CAVIN3: variants seen among roughly 807,000 people sequenced by gnomAD.
CAVIN3 encodes caveolae-associated protein 3.
A neutral mutation model predicts 8.2 loss-of-function variants in CAVIN3; 11 were observed. That is an observed-to-expected ratio of 1.35 (90% CI 0.85 to 2.23). The LOEUF (loss-of-function observed/expected upper bound fraction) is 2.23, where lower values mean the gene tolerates loss of function less well. Among genes scored for constraint, CAVIN3 ranks in the 30% most tolerant of loss-of-function variants. CAVIN3 has a pLI of 0.00. For missense variants in CAVIN3, 401 were observed against 359.5 expected, an observed-to-expected ratio of 1.12 and a Z score of -0.93; for synonymous variants, 191 against 166.3, an observed-to-expected ratio of 1.15 and a Z score of -1.14.
At position 6,320,497 on chromosome 11, in the gene CAVIN3, C is replaced by CA. The variant is rs761749028; in HGVS notation, c.-22_-21insT. On this transcript the variant is annotated 5_prime_UTR_variant, in exon 1 of 2. Transcript: ENST00000303927. The stretch of plus-strand genomic sequence containing the variant: ...CTCATGATCCCTGACCGCTCTGCTC[C>CA]GTCTGCCTGCAACTGCTGGCCGCAC... 7 of 1,475,298 alleles carry CA rather than the reference C, an allele frequency of 4.7e-6. No homozygotes were observed. Among genetic ancestry groups the CA allele is most frequent in the Non-Finnish European group, 6.2e-6 (7 of 1,121,416 alleles). 91.4% of individuals were successfully genotyped at this position (1,475,298 alleles called of 1,614,324 possible).
rs961288525 is a variant in CAVIN3, at chr11:6,319,298, G to A, written c.651C>T (p.Ser217=). Residue 217 remains serine, a synonymous_variant, in exon 2 of 2, where the codon AGC becomes AGT. Coordinates refer to ENST00000303927, the MANE Select transcript of CAVIN3 (RefSeq NM_145040.3). ...VKPPRLGPGR[S]AEAQPEAQPA... The stretch of plus-strand genomic sequence containing the variant: ...GCTGGGCTTCCGGCTGGGCTTCAGC[G>A]CTCCGGCCAGGCCCAAGGCGAGGCG... 1.6e-5 allele frequency: 25 copies of A among 1,608,798 alleles called. No individual in the cohort carries two copies. The highest frequency in any genetic ancestry group is 2.0e-5 in the Non-Finnish European group (24 of 1,177,624).
Position 6,319,411 on chromosome 11 carries a change from G to C in CAVIN3, c.538C>G (p.Arg180Gly). 7.4e-6 allele frequency: 12 copies of C among 1,610,878 alleles called. No individual in the cohort carries two copies. The highest frequency in any genetic ancestry group is 1.0e-5 in the Non-Finnish European group (12 of 1,179,358). ...PVESRAQRLR[R>G]TGLQKVQSLR... ...CTCTGTACCTTCTGCAATCCGGTGC[G>C]CCGCAGCCGCTGGGCCCTGGACTCC... Residue 180 changes from arginine to glycine, a missense_variant, in exon 2 of 2, where the codon CGC becomes GGC. Coordinates refer to ENST00000303927, the MANE Select transcript of CAVIN3 (RefSeq NM_145040.3).
At position 6,319,348 on chromosome 11, in the gene CAVIN3, C is replaced by T. The variant is rs371263806; in HGVS notation, c.601G>A (p.Ala201Thr). The T allele has an allele frequency of 1.3e-6, 2 of 1,597,056 alleles. No individual in the cohort carries two copies. The highest frequency in any genetic ancestry group is 1.7e-6 in the Non-Finnish European group (2 of 1,173,360). ...GGCTTGACCGGGGTGGGCGGTGGCG[C>T]TGCAGGGCCTTTCCGGCCCGAAAGG... ...RALSGRKGPA[A>T]PPPTPVKPPR... Residue 201 changes from alanine to threonine, a missense_variant, in exon 2 of 2, where the codon GCG becomes ACG. By Grantham distance (58) the Ala-to-Thr change is moderately conservative. Transcript: ENST00000303927.
Position 6,320,360 on chromosome 11 carries a change from CAG to C in CAVIN3, c.115_116del (p.Leu39AlafsTer93), listed in dbSNP as rs1489269614. 11 of 1,584,216 alleles carry C rather than the reference CAG, an allele frequency of 6.9e-6. No individual in the cohort carries two copies. Among genetic ancestry groups the C allele is most frequent in the Non-Finnish European group, 9.4e-6 (11 of 1,173,002 alleles). The part of the protein sequence containing the change: ...LEKLASMLET[L>X]RERQGGLARR... The stretch of plus-strand genomic sequence containing the variant: ...GAGCCAGGCCTCCCTGCCGCTCCCG[CAG>C]AGTCTCCAGCATGGAGGCCAGCTTC... On this transcript the variant is annotated frameshift_variant, in exon 1 of 2. Coordinates refer to ENST00000303927, the MANE Select transcript of CAVIN3 (RefSeq NM_145040.3). LOFTEE classifies it high-confidence loss of function.
Position 6,320,281 on chromosome 11 carries a change from C to A in CAVIN3, c.196G>T (p.Ala66Ser). The A allele has an allele frequency of 4.5e-6, 7 of 1,565,344 alleles. No homozygotes were observed. The highest frequency in any genetic ancestry group is 6.0e-6 in the Non-Finnish European group (7 of 1,162,946). ...GTGGTGTCGTGGCTGCGACTCAGAG[C>A]GCCCAGGCCGCTCTGGATGCGGCGC... is the stretch of plus-strand genomic sequence containing the variant. ...SVRRIQSGLG[A>S]LSRSHDTTSN... Residue 66 changes from alanine to serine, a missense_variant, in exon 1 of 2, where the codon GCT becomes TCT. Transcript: ENST00000303927.
Position 6,319,395 on chromosome 11 carries a change from T to C in CAVIN3, c.554A>G (p.Lys185Arg). ...AQRLRRTGLQ[K>R]VQSLRRALSG... Reference sequence around the variant, plus strand: ...AAGGGCCCTTCGGAGGCTCTGTACCTTCTGCAATCCGGTGCGCCGCAGCCG... The same window carrying C: ...AAGGGCCCTTCGGAGGCTCTGTACCCTCTGCAATCCGGTGCGCCGCAGCCG... The change falls in exon 2 of 2, where the codon AAG becomes AGG. Residue 185 changes from lysine to arginine, a missense_variant. Transcript: ENST00000303927. 1 of 1,610,650 alleles carries C rather than the reference T, an allele frequency of 6.2e-7. No homozygotes were observed. Among genetic ancestry groups the C allele is most frequent in the Non-Finnish European group, 8.5e-7 (1 of 1,178,984 alleles).
In CAVIN3 at chr11:6,320,289, C is replaced by G; in HGVS notation, c.188G>C (p.Gly63Ala). 1 of 1,566,090 alleles carries G rather than the reference C, an allele frequency of 6.4e-7. No homozygotes were observed. Among genetic ancestry groups the G allele is most frequent in the Admixed American group, 1.8e-5 (1 of 55,280 alleles). ...GTGGCTGCGACTCAGAGCGCCCAGG[C>G]CGCTCTGGATGCGGCGCACGGACCC... ...LAGSVRRIQSGLGALSRSHDT... is the reference protein window; with the variant it reads ...LAGSVRRIQSALGALSRSHDT... The change falls in exon 1 of 2, where the codon GGC becomes GCC. Residue 63 changes from glycine (G) to alanine (A), a missense_variant. Transcript: ENST00000303927.
At position 6,319,218 on chromosome 11, in the gene CAVIN3, G is replaced by A. The variant is rs144277485; in HGVS notation, c.731C>T (p.Pro244Leu). Reference sequence around the variant, plus strand: ...TTCTTCGGCAGCCCCAGGTCTCCCGGGATCTTCCTCGGTGTCCTGCGGAGG... The same window carrying A: ...TTCTTCGGCAGCCCCAGGTCTCCCGAGATCTTCCTCGGTGTCCTGCGGAGG... Reference protein sequence around the residue: ...PEPPQDTEEDPGRPGAAEEAL... With the variant: ...PEPPQDTEEDLGRPGAAEEAL... The change falls in exon 2 of 2, where the codon CCC becomes CTC. Residue 244 changes from proline to leucine, a missense_variant. Pro to Leu is a moderately conservative substitution (Grantham distance 98, BLOSUM62 -3). Coordinates refer to ENST00000303927, the MANE Select transcript of CAVIN3 (RefSeq NM_145040.3). The A allele has an allele frequency of 1.9e-6, 3 of 1,565,778 alleles. No individual in the cohort carries two copies. The highest frequency in any genetic ancestry group is 1.7e-6 in the Non-Finnish European group (2 of 1,160,498).
At position 6,319,238 on chromosome 11, in the gene CAVIN3, C is replaced by A. The variant is rs1846768271; in HGVS notation, c.711G>T (p.Pro237=). ...TCCCGGGATCTTCCTCGGTGTCCTG[C>A]GGAGGCTCTGGCTCCAGCGTGGGCT... ...ALEPTLEPEP[P]QDTEEDPGRP... is the part of the protein sequence containing the mutation. The change falls in exon 2 of 2, where the codon CCG becomes CCT. Residue 237 remains proline (P), a synonymous_variant. Coordinates refer to ENST00000303927, the MANE Select transcript of CAVIN3 (RefSeq NM_145040.3). 1 of 1,592,970 alleles carries A rather than the reference C, an allele frequency of 6.3e-7. No individual in the cohort carries two copies. Among genetic ancestry groups the A allele is most frequent in the Non-Finnish European group, 8.5e-7 (1 of 1,171,408 alleles).
Position 6,319,131 on chromosome 11 carries a change from A to G in CAVIN3, c.*32T>C, listed in dbSNP as rs777134186. The G allele has an allele frequency of 2.7e-5, 40 of 1,506,600 alleles. 1 individual carries two copies. In the Middle Eastern group the frequency reaches 2.0e-3, roughly 74 times the overall value. 93.3% of individuals were successfully genotyped at this position (1,506,600 alleles called of 1,614,324 possible). ...GAAAGGATTTATTTTGGGACAAGGCACAAGCACAGGGGAGGCAGGCAACAC... is the reference window on the plus strand; with the variant it reads ...GAAAGGATTTATTTTGGGACAAGGCGCAAGCACAGGGGAGGCAGGCAACAC... On this transcript the variant is annotated 3_prime_UTR_variant, in exon 2 of 2. Coordinates refer to ENST00000303927, the MANE Select transcript of CAVIN3 (RefSeq NM_145040.3).
At position 6,320,177 on chromosome 11, in the gene CAVIN3, C is replaced by G. The variant is rs1475506826; in HGVS notation, c.300G>C (p.Val100=). ...SHANAAQERA[V]RRAAQVQRLE... Reference sequence around the variant, plus strand: ...GCCGCTGCACCTGGGCTGCGCGGCGCACCGCGCGCTCTTGGGCGGCGTTGG... The same window carrying G: ...GCCGCTGCACCTGGGCTGCGCGGCGGACCGCGCGCTCTTGGGCGGCGTTGG... The change falls in exon 1 of 2, where the codon GTG becomes GTC. Residue 100 remains valine, a synonymous_variant. Coordinates refer to ENST00000303927, the MANE Select transcript of CAVIN3 (RefSeq NM_145040.3). The G allele has an allele frequency of 6.4e-7, 1 of 1,572,410 alleles. No homozygotes were observed. Among genetic ancestry groups the G allele is most frequent in the African/African-American group, 1.4e-5 (1 of 73,984 alleles).
rs1846783584 is a variant in CAVIN3 at position 6,319,574 on chromosome 11, AC to A, written c.385-11del. 1 of 1,562,244 alleles carries A rather than the reference AC, an allele frequency of 6.4e-7. No individual in the cohort carries two copies. Among genetic ancestry groups the A allele is most frequent in the Admixed American group, 1.8e-5 (1 of 54,166 alleles). On this transcript the variant is annotated splice_polypyrimidine_tract_variant and intron_variant, in intron 1 of 1. Transcript: ENST00000303927. ...GGACTTCACCCTCCTCCTGCATGTG[AC>A]GGACACAGCACTGATCCTGGCAGCT...
At position 6,320,494 on chromosome 11, in the gene CAVIN3, C is replaced by T. The variant is rs1846827791; in HGVS notation, c.-18G>A. On this transcript the variant is annotated 5_prime_UTR_variant, in exon 1 of 2. Coordinates refer to ENST00000303927, the MANE Select transcript of CAVIN3 (RefSeq NM_145040.3). ...TCCCTCATGATCCCTGACCGCTCTG[C>T]TCCGTCTGCCTGCAACTGCTGGCCG... 1 of 1,477,446 alleles carries T rather than the reference C, an allele frequency of 6.8e-7. No individual in the cohort carries two copies. The highest frequency in any genetic ancestry group is 8.9e-7 in the Non-Finnish European group (1 of 1,122,448). The allele number at this position is 1,477,446 out of a possible 1,614,324, so 91.5% of individuals were successfully genotyped here. A position where few individuals can be genotyped will look rare whatever the true frequency, so the allele number is the denominator to read the frequency against.
chr11:6,319,329 A>G lies in CAVIN3; in HGVS notation c.620T>C (p.Val207Ala). The change falls in exon 2 of 2, where the codon GTC becomes GCC. Residue 207 changes from valine to alanine, a missense_variant. By Grantham distance (64) the Val-to-Ala change is moderately conservative. Coordinates refer to ENST00000303927, the MANE Select transcript of CAVIN3 (RefSeq NM_145040.3). ...GCCAGGCCCAAGGCGAGGCGGCTTG[A>G]CCGGGGTGGGCGGTGGCGCTGCAGG... ...KGPAAPPPTP[V>A]KPPRLGPGRS... is the part of the protein sequence containing the mutation. 1 of 1,603,180 alleles carries G rather than the reference A, an allele frequency of 6.2e-7. No individual in the cohort carries two copies. The highest frequency in any genetic ancestry group is 8.5e-7 in the Non-Finnish European group (1 of 1,175,438).
chr11:6,319,066 G>T lies in CAVIN3; in HGVS notation c.*97C>A. Reference sequence around the variant, plus strand: ...GGCCAGAGCGCCCGCCTTGGTGGATGTAGGATTCGCTCCTTATTAGGGCGT... The same window carrying T: ...GGCCAGAGCGCCCGCCTTGGTGGATTTAGGATTCGCTCCTTATTAGGGCGT... On this transcript the variant is annotated 3_prime_UTR_variant, in exon 2 of 2. Transcript: ENST00000303927. 1.5e-6 allele frequency: 2 copies of T among 1,318,170 alleles called. No individual in the cohort carries two copies. Among genetic ancestry groups the T allele is most frequent in the Non-Finnish European group, 1.0e-6 (1 of 977,308 alleles). 81.7% of individuals were successfully genotyped at this position (1,318,170 alleles called of 1,614,324 possible).
rs1034134910 is a variant in CAVIN3 at position 6,320,138 on chromosome 11, G to T, written c.339C>A (p.His113Gln). ...GCTTCCCGCGCGCCACCAGCAGCCC[G>T]TGGTTGGCCTCCAGCCGCTGCACCT... ...AAQVQRLEAN[H>Q]GLLVARGKLH... Residue 113 changes from histidine to glutamine, a missense_variant, in exon 1 of 2, where the codon CAC (histidine) becomes CAA (glutamine). By Grantham distance (24) the His-to-Gln change is conservative. Transcript: ENST00000303927. The T allele has an allele frequency of 3.1e-6, 5 of 1,588,932 alleles. No individual in the cohort carries two copies.
rs1437013356 is a variant in CAVIN3, at chr11:6,319,037, G to C, written c.*126C>G. 7.5e-6 allele frequency: 7 copies of C among 929,098 alleles called. No homozygotes were observed. The highest frequency in any genetic ancestry group is 3.4e-5 in the African/African-American group (2 of 58,864). The allele number at this position is 929,098 out of a possible 1,614,324, so 57.6% of individuals were successfully genotyped here. A position where few individuals can be genotyped will look rare whatever the true frequency, so the allele number is the denominator to read the frequency against. On this transcript the variant is annotated 3_prime_UTR_variant, in exon 2 of 2. Transcript: ENST00000303927. ...GGACACAGGACTGGGCTTAAGGAAG[G>C]GAGGGCCAGAGCGCCCGCCTTGGTG... is the stretch of plus-strand genomic sequence containing the variant.
In CAVIN3 at chr11:6,319,275, T is replaced by C. The variant is rs776315629; in HGVS notation, c.674A>G (p.Gln225Arg). Residue 225 changes from glutamine to arginine, a missense_variant, in exon 2 of 2, where the codon CAG (glutamine) becomes CGG (arginine). Transcript: ENST00000303927. ...GRSAEAQPEA[Q>R]PALEPTLEPE... ...CTCCAGCGTGGGCTCCAGCGCAGGC[T>C]GGGCTTCCGGCTGGGCTTCAGCGCT... The C allele has an allele frequency of 1.9e-6, 3 of 1,608,782 alleles. No individual in the cohort carries two copies. The highest frequency in any genetic ancestry group is 1.1e-5 in the South Asian group (1 of 90,378).
intron 1 of CAVIN3, 101 bp downstream of exon 1, chr11:6,319,992 A>G (rs533131609): frequency 7.9e-6 from 10 of 1,268,320 alleles, no homozygotes; most frequent in Non-Finnish European, 1.1e-5. Context: ...GGGAGGGGTC[A>G]GGAATGTGGG....
Sources: allele counts gnomAD v4.1 joint callset, GRCh38; gene constraint gnomAD v4.1.1; transcripts MANE v1.5; gene names NCBI Gene and HGNC (gene_info 2026-07-23, HGNC 2026-07-21).